The following LRP1B variants were observed in gnomAD, a reference collection of about 807,000 sequenced individuals.
LRP1B encodes low-density lipoprotein receptor-related protein 1B.
LRP1B carries 217 observed loss-of-function variants against 556.6 expected under a neutral mutation model. The ratio of observed to expected loss-of-function variants is 0.39; its 90% CI spans 0.35 to 0.44. The LOEUF (loss-of-function observed/expected upper bound fraction) is 0.44. LRP1B is among the 20% of genes least tolerant of loss of function. The pLI is 1.00. For synonymous variants in LRP1B, 2,047 were observed against 1,865.8 expected, an observed-to-expected ratio of 1.10 and a Z score of -2.50; for missense variants, 5,053 against 5,620.8, an observed-to-expected ratio of 0.90 and a Z score of 3.23.
intron 1 of LRP1B, among the ~76,000 whole-genome samples, chr2:142,048,900 C>T (rs72990363): frequency 6.6e-6 from 1 of 152,010 alleles, no homozygotes; most frequent in Non-Finnish European, 1.5e-5. Context: ...CTGAAAAGTA[C>T]TTGTTTAAAA....
chr2:141,570,037 A>G (rs977468183), intron 2 of LRP1B, among the ~76,000 whole-genome samples: 3 of 151,066 alleles, frequency 2.0e-5, no homozygotes, highest in Non-Finnish European at 4.4e-5. Flanking sequence ...GTTTGAAACC[A>G]ATCAGTGCAA....
intron 72 of LRP1B, among the ~76,000 whole-genome samples, chr2:140,361,341 CATAT>C (rs67208978): frequency 0.051 from 1,562 of 30,710 alleles, 59 homozygotes; most frequent in Middle Eastern, 0.28. Context: ...ACTTGGAAAG[CATAT>C]ATATATATAT....
intron 2 of LRP1B, among the ~76,000 whole-genome samples, chr2:141,524,149 G>A (rs561816138): frequency 1.6e-3 from 244 of 152,084 alleles, no homozygotes; most frequent in African/African-American, 5.2e-3. Context: ...CCTGAATCAA[G>A]TATAATGTCT....
At chr2:141,803,364 C>G (rs888855719) in intron 2 of LRP1B, among the ~76,000 whole-genome samples, 2 of 151,844 alleles carry the variant, frequency 1.3e-5, no homozygotes, top group Non-Finnish European at 2.9e-5. Context: ...CACAATTACA[C>G]TGATCCCCAC....
At chr2:140,574,535 C>T (rs1178887223) in intron 43 of LRP1B, among the ~76,000 whole-genome samples, 3 of 152,100 alleles carry the variant, frequency 2.0e-5, no homozygotes, top group East Asian at 3.8e-4. Context: ...TAAATGAAGG[C>T]AATATAATCA....
intron 43 of LRP1B, among the ~76,000 whole-genome samples, chr2:140,559,802 T>A (rs1253098796): frequency 1.3e-5 from 2 of 151,488 alleles, no homozygotes; most frequent in African/African-American, 4.8e-5. Flanking sequence ...GGGAAAGTTC[T>A]TCCTTAGAGG....
intron 23 of LRP1B, among the ~76,000 whole-genome samples, chr2:140,901,579 A>T (rs1694106377): frequency 6.6e-6 from 1 of 152,184 alleles, no homozygotes; most frequent in African/African-American, 2.4e-5. Flanking sequence ...CAATCCAATT[A>T]TACTCTTAGT....
chr2:140,973,052 TTATATATATATATA>T (rs200336213), intron 18 of LRP1B, among the ~76,000 whole-genome samples: 4 of 138,586 alleles, frequency 2.9e-5, no homozygotes, highest in African/African-American at 8.0e-5. Flanking sequence ...ATATTTCATT[TTATATATATATATA>T]TATATATATA....
intron 3 of LRP1B, among the ~76,000 whole-genome samples, chr2:141,388,825 T>C (rs12469827): frequency 0.55 from 83,553 of 151,982 alleles, 24,989 homozygotes; most frequent in Non-Finnish European, 0.68. Context: ...GGGCACATGA[T>C]TGACACACAA....
chr2:140,825,399 C>T (rs914224941), intron 31 of LRP1B, among the ~76,000 whole-genome samples: 2 of 152,046 alleles, frequency 1.3e-5, no homozygotes, highest in African/African-American at 4.8e-5. Flanking sequence ...CATGTTGTCT[C>T]CCAGTAACTG....
intron 2 of LRP1B, among the ~76,000 whole-genome samples, chr2:141,718,712 C>T (rs1428812930): frequency 6.6e-6 from 1 of 152,086 alleles, no homozygotes; most frequent in Non-Finnish European, 1.5e-5. Flanking sequence ...TCCCGTTAAG[C>T]ATTTAAAACG....
At chr2:141,837,320 T>C (rs1697318713) in intron 1 of LRP1B, among the ~76,000 whole-genome samples, 1 of 152,032 alleles carries the variant, frequency 6.6e-6, no homozygotes, top group Non-Finnish European at 1.5e-5. Flanking sequence ...GAAGATGCTT[T>C]TTCTTTTCTG....
At chr2:140,419,814 C>T (rs1685355867) in intron 66 of LRP1B, among the ~76,000 whole-genome samples, 2 of 152,054 alleles carry the variant, frequency 1.3e-5, no homozygotes, top group South Asian at 4.1e-4. Flanking sequence ...TCAAGACCAT[C>T]ATGGCCAACA....
At chr2:142,059,951 A>C (rs1158548003) in intron 1 of LRP1B, among the ~76,000 whole-genome samples, 2 of 152,130 alleles carry the variant, frequency 1.3e-5, no homozygotes, top group Non-Finnish European at 2.9e-5. Flanking sequence ...AACCACATTT[A>C]TAAAAATGTA....
intron 2 of LRP1B, among the ~76,000 whole-genome samples, chr2:141,650,307 C>G (rs1420775489): frequency 2.0e-5 from 3 of 152,132 alleles, no homozygotes; most frequent in Non-Finnish European, 4.4e-5. Flanking sequence ...ATTTAGCCTA[C>G]TTCTTTGTGA....
intron 41 of LRP1B, among the ~76,000 whole-genome samples, chr2:140,678,439 G>C (rs779689908): frequency 6.6e-6 from 1 of 152,146 alleles, no homozygotes; most frequent in Non-Finnish European, 1.5e-5. Context: ...TTATCTGTGA[G>C]ACTTTCAAAA....
intron 32 of LRP1B, among the ~76,000 whole-genome samples, chr2:140,805,453 A>G (rs1690678782): frequency 6.6e-6 from 1 of 152,186 alleles, no homozygotes; most frequent in South Asian, 2.1e-4. Context: ...TCAGATATTT[A>G]TAGGAAGCAC....
rs1472648406 is a variant in LRP1B, at chr2:141,044,747, A to G, written c.1789+4239T>C. Among the ~76,000 whole-genome samples the G allele has an allele frequency of 2.1e-3, 310 of 147,790 alleles. 1 individual carries two copies. Among genetic ancestry groups the G allele is most frequent in the South Asian group, 3.9e-3 (18 of 4,674 alleles). On this transcript the variant is annotated intron_variant, in intron 11 of 90. Transcript: ENST00000389484. ...ACCATCTCACACCAGTTAGAATGGC[A>G]ATCATTAAAAAGTCAGGAAACAACA... is the stretch of plus-strand genomic sequence containing the variant.
chr2:141,882,950 G>A (rs923221985), intron 1 of LRP1B, among the ~76,000 whole-genome samples: 4 of 152,134 alleles, frequency 2.6e-5, no homozygotes, highest in Admixed American at 2.6e-4. Context: ...AACGTATGTT[G>A]GCTGTTCAGT....
Sources: gnomAD v4.1 joint callset for allele counts (sites outside exome capture counted in the v4.1 genomes callset) on GRCh38, gnomAD v4.1.1 for gene constraint, MANE v1.5 for transcripts, NCBI Gene and HGNC (gene_info 2026-07-23, HGNC 2026-07-21) for gene names.